LEMD3: variants seen among roughly 807,000 people sequenced by gnomAD.
LEMD3 encodes inner nuclear membrane protein Man1.
In LEMD3, 33 loss-of-function variants were observed where a neutral mutation model predicts 95.2. The observed-to-expected ratio is 0.35, with a 90% CI of 0.26 to 0.46. The LOEUF (loss-of-function observed/expected upper bound fraction) is 0.46, where lower values mean the gene tolerates loss of function less well. Ranked by LOEUF, LEMD3 falls within the 20% of genes least tolerant of loss-of-function variation. The pLI, the probability that LEMD3 is intolerant of heterozygous loss-of-function variation, is 1.00. For missense variants in LEMD3, 1,210 were observed against 1,192.8 expected, an observed-to-expected ratio of 1.01 and a Z score of -0.21; for synonymous variants, 525 against 474.6, an observed-to-expected ratio of 1.11 and a Z score of -1.38.
chr12:65,196,796 G>T (rs557975868), intron 1 of LEMD3, among the ~76,000 whole-genome samples: 1 of 152,180 alleles, frequency 6.6e-6, no homozygotes, highest in African/African-American at 2.4e-5. Context: ...GGCTCAGTGG[G>T]GGCACTTATG....
rs79088574 is a variant in LEMD3, at chr12:65,197,799, T to G, written c.1523-13127T>G. On this transcript the variant is annotated intron_variant, in intron 1 of 12. Coordinates refer to ENST00000308330, the MANE Select transcript of LEMD3 (RefSeq NM_014319.5). ...TGCCCTTTTCCTTTTTTATCAGACC[T>G]CTGCTCTTTATTCCCATTCAGTGAA... 7.2e-3 allele frequency among the ~76,000 whole-genome samples: 1,096 copies of G among 152,244 alleles called. 43 individuals are homozygous for G. The highest frequency in any genetic ancestry group is 0.058 in the Admixed American group (882 of 15,268).
At chr12:65,243,004 A>G (rs921171681) in intron 9 of LEMD3, among the ~76,000 whole-genome samples, 5 of 151,916 alleles carry the variant, frequency 3.3e-5, no homozygotes, top group Admixed American at 1.3e-4. Context: ...ACAAGCAATC[A>G]CCTCTGCTTG....
At chr12:65,217,443 C>A (rs1870144242) in intron 3 of LEMD3, among the ~76,000 whole-genome samples, 1 of 152,178 alleles carries the variant, frequency 6.6e-6, no homozygotes, top group African/African-American at 2.4e-5. Flanking sequence ...AGGTACTTCT[C>A]CCCTTTTTAT....
rs201835092 is a variant in LEMD3, at chr12:65,215,935, T to TC, written c.1561-41dup. 160 of 872,300 alleles carry TC rather than the reference T, an allele frequency of 1.8e-4. 2 individuals are homozygous for TC. In the East Asian group the frequency reaches 3.2e-3, roughly 17 times the overall value. The allele number at this position is 872,300 out of a possible 1,614,324, so 54.0% of individuals were successfully genotyped here. On this transcript the variant is annotated intron_variant, in intron 2 of 12. Transcript: ENST00000308330. The stretch of plus-strand genomic sequence containing the variant: ...ATTAAGAATTATTTGGTGTTTTTTT[T>TC]CTTGTAATTGGGTATTTCATAATAA...
intron 6 of LEMD3, 49 bp downstream of exon 6, chr12:65,238,863 T>C: frequency 6.3e-7 from 1 of 1,592,560 alleles, no homozygotes; most frequent in Non-Finnish European, 8.6e-7. Context: ...TGAATTTTTG[T>C]GTGTATTTCA....
chr12:65,172,893 A>G (rs570614295), intron 1 of LEMD3, among the ~76,000 whole-genome samples: 84 of 151,696 alleles, frequency 5.5e-4, no homozygotes, highest in African/African-American at 2.0e-3. Context: ...ACCTGGCTAA[A>G]TTTTTTTTGT....
chr12:65,185,924 C>T (rs1869046723), intron 1 of LEMD3, among the ~76,000 whole-genome samples: 2 of 151,974 alleles, frequency 1.3e-5, no homozygotes, highest in South Asian at 4.1e-4. Flanking sequence ...AGTTTTCTAT[C>T]TCTCTAAGAA....
Position 65,170,721 on chromosome 12 carries a change from G to A in LEMD3, c.1125G>A (p.Met375Ile), listed in dbSNP as rs750150042. 6.2e-7 allele frequency: 1 copy of A among 1,614,194 alleles called. No homozygotes were observed. The highest frequency in any genetic ancestry group is 1.7e-5 in the Admixed American group (1 of 60,030). Residue 375 changes from methionine to isoleucine, a missense_variant, in exon 1 of 13, where the codon ATG becomes ATA. Physicochemically the swap from Met to Ile is conservative, Grantham distance 10 (BLOSUM62 1). Around this residue, in one of 2 missense-constraint regions of LEMD3, gnomAD observed 749 missense variants for 622.9 expected, o/e 1.20. Transcript: ENST00000308330. Reference protein sequence around the residue: ...TPLLPPPLTDMDSTLDSSTGS... With the variant: ...TPLLPPPLTDIDSTLDSSTGS... ...TCCTGCCCCCGCCACTTACTGACATGGACTCAACCTTGGATTCGTCAACAG... is the reference window on the plus strand; with the variant it reads ...TCCTGCCCCCGCCACTTACTGACATAGACTCAACCTTGGATTCGTCAACAG...
intron 12 of LEMD3, 51 bp downstream of exon 12, chr12:65,245,990 T>A: frequency 7.1e-7 from 1 of 1,399,128 alleles, no homozygotes. Flanking sequence ...TATAGTTTAA[T>A]TTTAAACTAT....
At chr12:65,175,527 C>G (rs950425583) in intron 1 of LEMD3, among the ~76,000 whole-genome samples, 3 of 152,162 alleles carry the variant, frequency 2.0e-5, no homozygotes, top group Admixed American at 2.0e-4. Flanking sequence ...AAATCCTCAT[C>G]TCTTTGGTAC....
Position 65,173,970 on chromosome 12 carries a change from C to T in LEMD3, c.1522+2852C>T, listed in dbSNP as rs192761674. 4.3e-4 allele frequency among the ~76,000 whole-genome samples: 66 copies of T among 152,204 alleles called. No homozygotes were observed. The East Asian group carries it at 5.8e-3, about 13-fold the overall frequency. On this transcript the variant is annotated intron_variant, in intron 1 of 12. Coordinates refer to ENST00000308330, the MANE Select transcript of LEMD3 (RefSeq NM_014319.5). The stretch of plus-strand genomic sequence containing the variant: ...ATATATATACACACACATACATACA[C>T]GTATTCCATATCCTTTGTTATATTA...
chr12:65,182,864 G>T lies in LEMD3; in HGVS notation c.1522+11746G>T, dbSNP rs146356386. ...CAATGCATACAGTTGATACAGAAAG[G>T]TGGCTTGTCACATGCCGTTCTTCAG... On this transcript the variant is annotated intron_variant, in intron 1 of 12. Coordinates refer to ENST00000308330, the MANE Select transcript of LEMD3 (RefSeq NM_014319.5). Among the ~76,000 whole-genome samples, 235 of 152,286 alleles carry T rather than the reference G, an allele frequency of 1.5e-3. 2 individuals are homozygous for T. Among genetic ancestry groups the T allele is most frequent in the Admixed American group, 5.3e-3 (81 of 15,292 alleles).
chr12:65,191,986 A>G (rs890925746), intron 1 of LEMD3, among the ~76,000 whole-genome samples: 4 of 152,014 alleles, frequency 2.6e-5, no homozygotes, highest in African/African-American at 9.7e-5. Flanking sequence ...AAGTTTGTCA[A>G]AAATATCAGA....
Position 65,170,274 on chromosome 12 carries a change from C to A in LEMD3, c.678C>A (p.Asp226Glu), listed in dbSNP as rs1305874950. 4 of 1,567,328 alleles carry A rather than the reference C, an allele frequency of 2.6e-6. No homozygotes were observed. The highest frequency in any genetic ancestry group is 3.3e-4 in the Middle Eastern group (2 of 6,026). Residue 226 changes from aspartate to glutamate, a missense_variant, in exon 1 of 13, where the codon GAC (aspartate) becomes GAA (glutamate). Physicochemically the swap from Asp to Glu is conservative, Grantham distance 45. Coordinates refer to ENST00000308330, the MANE Select transcript of LEMD3 (RefSeq NM_014319.5). ...AGGACGAGGAAGGGGAGGGAGAGGA[C>A]GGTGAGGAGAGGGACCCGGAGACCG... ...AVEDEEGEGE[D>E]GEERDPETEE... is the part of the protein sequence containing the mutation.
chr12:65,246,412 T>TAATATTTTTATTG lies in LEMD3; in HGVS notation c.*88_*89insATATTTTTATTGA. On this transcript the variant is annotated 3_prime_UTR_variant, in exon 13 of 13. Coordinates refer to ENST00000308330, the MANE Select transcript of LEMD3 (RefSeq NM_014319.5). ...TGTCTTCCTTTTTAAATGCTTTTTG[T>TAATATTTTTATTG]ATGTAATATTTTTATTGATGAATAC... The TAATATTTTTATTG allele has an allele frequency of 9.4e-7, 1 of 1,058,854 alleles. No individual in the cohort carries two copies. Among genetic ancestry groups the TAATATTTTTATTG allele is most frequent in the East Asian group, 2.4e-5 (1 of 42,196 alleles). 65.6% of individuals were successfully genotyped at this position (1,058,854 alleles called of 1,614,324 possible). A position where few individuals can be genotyped will look rare whatever the true frequency, so the allele number is the denominator to read the frequency against.
intron 2 of LEMD3, among the ~76,000 whole-genome samples, chr12:65,215,179 A>G (rs960840535): frequency 3.9e-5 from 6 of 152,192 alleles, no homozygotes; most frequent in African/African-American, 1.4e-4. Flanking sequence ...AATATAACCA[A>G]TGCTTTCATG....
chr12:65,199,903 G>A (rs962613040), intron 1 of LEMD3, among the ~76,000 whole-genome samples: 1 of 152,026 alleles, frequency 6.6e-6, no homozygotes, highest in African/African-American at 2.4e-5. Flanking sequence ...ATGAATGAGA[G>A]TTCTGAGGCA....
intron 1 of LEMD3, among the ~76,000 whole-genome samples, chr12:65,177,633 A>T (rs1268199652): frequency 6.6e-6 from 1 of 152,122 alleles, no homozygotes; most frequent in East Asian, 1.9e-4. Flanking sequence ...TTACTAAGGG[A>T]ATACTTTTAA....
At chr12:65,173,416 A>G (rs899126324) in intron 1 of LEMD3, among the ~76,000 whole-genome samples, 3 of 152,234 alleles carry the variant, frequency 2.0e-5, no homozygotes, top group Non-Finnish European at 4.4e-5. Context: ...TTTACATTTT[A>G]GTAAATGGTA....
Sources: allele counts gnomAD v4.1 joint callset (sites outside exome capture counted in the v4.1 genomes callset), GRCh38; gene constraint gnomAD v4.1.1; regional missense constraint gnomAD v4.1.1; transcripts MANE v1.5; gene names NCBI Gene and HGNC (gene_info 2026-07-23, HGNC 2026-07-21).